Variants in MMS22L observed in about 807,000 individuals in gnomAD.
The protein encoded by MMS22L is MMS22 like, DNA repair protein.
In MMS22L, 74 loss-of-function variants were observed where a neutral mutation model predicts 159.1. The ratio of observed to expected loss-of-function variants is 0.47; its 90% confidence interval spans 0.39 to 0.56. MMS22L has a LOEUF of 0.56. MMS22L is among the 20% of genes least tolerant of loss of function. The pLI, the probability that MMS22L is intolerant of heterozygous loss-of-function variation, is 0.00. For missense variants in MMS22L, 1,351 were observed against 1,422.1 expected (o/e 0.95, Z 0.80); for synonymous variants, 517 against 506.9 (o/e 1.02, Z -0.27).
At chr6:97,239,918 A>C (rs1186143171) in intron 11 of MMS22L, among the ~76,000 whole-genome samples, 4 of 152,216 alleles carry the variant, frequency 2.6e-5, no homozygotes, top group Admixed American at 6.5e-5. Context: ...CTCTTTAAAC[A>C]AAAAATAAAA....
intron 6 of MMS22L, chr6:97,271,800 T>C (rs1318459507): frequency 6.6e-6 from 1 of 152,096 alleles, no homozygotes; most frequent in Non-Finnish European, 1.5e-5. Context: ...ACCACCTGAG[T>C]AGCTGGGACT....
intron 21 of MMS22L, among the ~76,000 whole-genome samples, chr6:97,164,294 G>A (rs1204757214): frequency 2.6e-5 from 4 of 151,308 alleles, no homozygotes; most frequent in Non-Finnish European, 5.9e-5. Flanking sequence ...TCTATGAGAG[G>A]TAACAGATAT....
intron 20 of MMS22L, among the ~76,000 whole-genome samples, chr6:97,166,322 T>G (rs1802953574): frequency 6.6e-6 from 1 of 152,144 alleles, no homozygotes; most frequent in African/African-American, 2.4e-5. Context: ...TTATAAAAGT[T>G]AACTCTTAAT....
At chr6:97,204,937 C>CTTTT (rs1222516541) in intron 14 of MMS22L, among the ~76,000 whole-genome samples, 58 of 52,378 alleles carry the variant, frequency 1.1e-3, no homozygotes, top group African/African-American at 1.6e-3. Flanking sequence ...TGTACAGTGT[C>CTTTT]TTTTTTTTTT....
intron 14 of MMS22L, among the ~76,000 whole-genome samples, chr6:97,219,977 C>T (rs1809455206): frequency 6.6e-6 from 1 of 152,048 alleles, no homozygotes; most frequent in Admixed American, 6.6e-5. Context: ...CTACTATTAC[C>T]AACACTGACC....
At chr6:97,244,257 C>G (rs1044691066) in intron 11 of MMS22L, among the ~76,000 whole-genome samples, 1 of 152,198 alleles carries the variant, frequency 6.6e-6, no homozygotes, top group African/African-American at 2.4e-5. Flanking sequence ...GGGACATAAA[C>G]TTGCCCTGAA....
chr6:97,239,417 T>C (rs1811813934), intron 11 of MMS22L, among the ~76,000 whole-genome samples: 1 of 152,148 alleles, frequency 6.6e-6, no homozygotes, highest in African/African-American at 2.4e-5. Context: ...ATGAAAACAA[T>C]AATGCTGTTC....
chr6:97,201,179 G>A (rs745474433), intron 14 of MMS22L, among the ~76,000 whole-genome samples: 20 of 152,166 alleles, frequency 1.3e-4, no homozygotes, highest in Middle Eastern at 3.4e-3. Flanking sequence ...GTGAAAGGTG[G>A]ACACAGCCTA....
intron 4 of MMS22L, among the ~76,000 whole-genome samples, chr6:97,273,786 T>C (rs556043718): frequency 6.6e-6 from 1 of 152,268 alleles, no homozygotes; most frequent in East Asian, 1.9e-4. Flanking sequence ...ATTGAAACTA[T>C]CCATTTTCCC....
chr6:97,198,324 T>A (rs1490402566), intron 14 of MMS22L, among the ~76,000 whole-genome samples: 1 of 152,156 alleles, frequency 6.6e-6, no homozygotes, highest in Non-Finnish European at 1.5e-5. Context: ...TGTTCTAGTC[T>A]CGGCCTTTAG....
At chr6:97,266,047 T>C (rs1419161380) in intron 8 of MMS22L, 1 of 152,102 alleles carries the variant, frequency 6.6e-6, no homozygotes, top group African/African-American at 2.4e-5. Context: ...GACATACAAA[T>C]GGGCAAGCAG....
intron 14 of MMS22L, among the ~76,000 whole-genome samples, chr6:97,224,024 T>C (rs911508651): frequency 4.6e-5 from 7 of 152,154 alleles, no homozygotes; most frequent in East Asian, 1.9e-4. Flanking sequence ...TTTTCAATCA[T>C]AGTTGACAGC....
In MMS22L at chr6:97,229,405, T is replaced by C. The variant is rs1456971115; in HGVS notation, c.1530-2A>G. 1.3e-6 allele frequency: 2 copies of C among 1,514,720 alleles called. No homozygotes were observed. The highest frequency in any genetic ancestry group is 2.3e-5 in the Admixed American group (1 of 43,910). The allele number at this position is 1,514,720 out of a possible 1,614,324, so 93.8% of individuals were successfully genotyped here. ...TTTTGATGGAATTTTGAATATATTC[T>C]GTAAAACATTAAAAAATGCTTTAAT... is the stretch of plus-strand genomic sequence containing the variant. On this transcript the variant is annotated splice_acceptor_variant, in intron 13 of 24. Transcript: ENST00000683635. LOFTEE classifies it high-confidence loss of function.
chr6:97,270,289 A>G (rs899300582), intron 6 of MMS22L: 1 of 522,612 alleles, frequency 1.9e-6, no homozygotes, highest in Admixed American at 2.2e-5. Context: ...TACAGCTGCA[A>G]GGCAGTAAAA....
intron 4 of MMS22L, among the ~76,000 whole-genome samples, chr6:97,274,894 GAAA>G (rs1026633867): frequency 1.3e-5 from 2 of 151,780 alleles, no homozygotes; most frequent in East Asian, 1.9e-4. Context: ...CAGCAAGCAT[GAAA>G]AAAAATCTCA....
chr6:97,225,057 C>G (rs940513941), intron 14 of MMS22L, among the ~76,000 whole-genome samples: 1 of 151,922 alleles, frequency 6.6e-6, no homozygotes, highest in Non-Finnish European at 1.5e-5. Flanking sequence ...TTTTTTTCAC[C>G]TATAAATAGG....
In MMS22L at chr6:97,219,755, A is replaced by G. The variant is rs574482606; in HGVS notation, c.2039+9139T>C. 5.1e-4 allele frequency among the ~76,000 whole-genome samples: 78 copies of G among 152,294 alleles called. 1 individual carries two copies. The South Asian group carries it at 0.016, about 31-fold the overall frequency. ...TTGACAGCAGCAACTATCAGGCACT[A>G]CTAGAGGTTCCTTAAGAAGCAAAGG... On this transcript the variant is annotated intron_variant, in intron 14 of 24. Transcript: ENST00000683635.
chr6:97,220,314 T>G (rs1176116637), intron 14 of MMS22L, among the ~76,000 whole-genome samples: 2 of 152,184 alleles, frequency 1.3e-5, no homozygotes, highest in African/African-American at 4.8e-5. Flanking sequence ...TTAAAGACCA[T>G]GATAAGAAAT....
intron 9 of MMS22L, chr6:97,261,984 AACAAAAAAC>A (rs1582829603): frequency 6.6e-6 from 1 of 152,154 alleles, no homozygotes; most frequent in East Asian, 1.9e-4. Context: ...GCTAGAATAC[AACAAAAAAC>A]ACACAGACGC....
Sources: allele counts gnomAD v4.1 joint callset (sites outside exome capture counted in the v4.1 genomes callset), GRCh38; gene constraint gnomAD v4.1.1; transcripts MANE v1.5; gene names NCBI Gene and HGNC (gene_info 2026-07-23, HGNC 2026-07-21).